The following NBEA variants were observed in gnomAD, a reference collection of about 807,000 sequenced individuals.
NBEA encodes neurobeachin.
In NBEA, 44 loss-of-function variants were observed where a neutral mutation model predicts 343.4. That is an observed-to-expected ratio of 0.13 (90% CI 0.10 to 0.16). The LOEUF (loss-of-function observed/expected upper bound fraction) is 0.16, where lower values mean the gene tolerates loss of function less well. Ranked by LOEUF, NBEA falls within the 10% of genes least tolerant of loss-of-function variation. The pLI is 1.00. For missense variants in NBEA, 2,555 were observed against 3,631.3 expected, an observed-to-expected ratio of 0.70 and a Z score of 7.62; for synonymous variants, 1,175 against 1,238.7, an observed-to-expected ratio of 0.95 and a Z score of 1.08.
At chr13:35,621,911 A>G (rs1007595842) in intron 48 of NBEA, among the ~76,000 whole-genome samples, 2 of 152,254 alleles carry the variant, frequency 1.3e-5, no homozygotes, top group African/African-American at 2.4e-5. Context: ...TTTGGAAACA[A>G]TGAAGTGCTA....
At chr13:35,087,922 T>C (rs2064858902) in intron 10 of NBEA, among the ~76,000 whole-genome samples, 1 of 151,876 alleles carries the variant, frequency 6.6e-6, no homozygotes, top group African/African-American at 2.4e-5. Context: ...TTTCATCAAG[T>C]GGTCAAGTTT....
At chr13:35,347,937 A>G (rs896879423) in intron 36 of NBEA, among the ~76,000 whole-genome samples, 1 of 151,952 alleles carries the variant, frequency 6.6e-6, no homozygotes, top group African/African-American at 2.4e-5. Context: ...CTCTCAGGGG[A>G]GCAACAGACT....
intron 38 of NBEA, among the ~76,000 whole-genome samples, chr13:35,368,607 A>C (rs2041257060): frequency 6.6e-6 from 1 of 151,622 alleles, no homozygotes; most frequent in African/African-American, 2.4e-5. Flanking sequence ...TATTATTGAT[A>C]CTACTATTGT....
chr13:35,102,861 G>GT (rs1006479233), intron 11 of NBEA, among the ~76,000 whole-genome samples: 1 of 151,416 alleles, frequency 6.6e-6, no homozygotes, highest in African/African-American at 2.4e-5. Context: ...TAATTTTAGG[G>GT]TTTTTTTCCT....
chr13:34,942,763 T>C lies in NBEA; in HGVS notation c.-58T>C. ...CGGGGGGCGGGGGCCGAGGCAGGTA[T>C]AACGGTACCGGCGGCGGCAGCGCCG... On this transcript the variant is annotated 5_prime_UTR_variant, in exon 1 of 59. Coordinates refer to ENST00000379939, the MANE Select transcript of NBEA (RefSeq NM_001385012.1). 1 of 1,277,804 alleles carries C rather than the reference T, an allele frequency of 7.8e-7. No individual in the cohort carries two copies. Among genetic ancestry groups the C allele is most frequent in the Non-Finnish European group, 9.9e-7 (1 of 1,006,216 alleles). The allele number at this position is 1,277,804 out of a possible 1,614,324, so 79.2% of individuals were successfully genotyped here.
At chr13:35,406,527 T>C (rs953326652) in intron 38 of NBEA, among the ~76,000 whole-genome samples, 3 of 152,106 alleles carry the variant, frequency 2.0e-5, no homozygotes, top group African/African-American at 7.2e-5. Context: ...ATAGCTCGTC[T>C]CCCACTTACG....
chr13:35,242,872 TTAC>T, intron 34 of NBEA, among the ~76,000 whole-genome samples: 1 of 152,040 alleles, frequency 6.6e-6, no homozygotes, highest in Non-Finnish European at 1.5e-5. Flanking sequence ...AGAGCATTTA[TTAC>T]TACTAGATCT....
At chr13:35,128,420 C>T (rs1386237436) in intron 17 of NBEA, among the ~76,000 whole-genome samples, 1 of 152,042 alleles carries the variant, frequency 6.6e-6, no homozygotes, top group Non-Finnish European at 1.5e-5. Context: ...TCAGAACGAA[C>T]TTTAATTCAC....
At chr13:35,257,321 C>A (rs994491193) in intron 34 of NBEA, among the ~76,000 whole-genome samples, 13 of 152,064 alleles carry the variant, frequency 8.5e-5, no homozygotes, top group Non-Finnish European at 1.9e-4. Flanking sequence ...TCTGAATTTT[C>A]CTTTCTAGTT....
At chr13:35,291,514 A>G (rs73169721) in intron 35 of NBEA, among the ~76,000 whole-genome samples, 6,967 of 151,962 alleles carry the variant, frequency 0.046, 204 homozygotes, top group South Asian at 0.079. Context: ...AGAAAACAAC[A>G]TCCCTGTGAG....
chr13:35,011,108 G>A (rs75158196), intron 1 of NBEA, among the ~76,000 whole-genome samples: 2 of 152,130 alleles, frequency 1.3e-5, no homozygotes, highest in East Asian at 3.9e-4. Context: ...TAGGTGGAAG[G>A]TGGGCTCTGT....
intron 1 of NBEA, among the ~76,000 whole-genome samples, chr13:34,980,727 C>T (rs1332840318): frequency 1.3e-5 from 2 of 152,044 alleles, no homozygotes. Flanking sequence ...TAGTAGATTA[C>T]AATTAAGATG....
intron 35 of NBEA, among the ~76,000 whole-genome samples, chr13:35,305,563 C>G (rs1235533102): frequency 6.6e-6 from 1 of 152,086 alleles, no homozygotes; most frequent in Non-Finnish European, 1.5e-5. Flanking sequence ...TGGCTAGAAG[C>G]TACAAGAGCC....
chr13:35,123,124 T>G (rs2066893251), intron 16 of NBEA, among the ~76,000 whole-genome samples: 1 of 152,154 alleles, frequency 6.6e-6, no homozygotes, highest in Non-Finnish European at 1.5e-5. Flanking sequence ...AAACCTCACC[T>G]CTATATTAAA....
chr13:35,425,300 C>G (rs1203828743), intron 38 of NBEA, among the ~76,000 whole-genome samples: 1 of 152,116 alleles, frequency 6.6e-6, no homozygotes, highest in East Asian at 1.9e-4. Flanking sequence ...ATAAATTTCC[C>G]TCTACACACT....
intron 48 of NBEA, among the ~76,000 whole-genome samples, chr13:35,624,887 T>A (rs1315919805): frequency 6.6e-6 from 1 of 152,136 alleles, no homozygotes; most frequent in African/African-American, 2.4e-5. Context: ...ATGTAGATTA[T>A]GATATTATCT....
chr13:35,325,447 C>CA (rs2038482548), intron 36 of NBEA, among the ~76,000 whole-genome samples: 1 of 151,590 alleles, frequency 6.6e-6, no homozygotes, highest in Non-Finnish European at 1.5e-5. Flanking sequence ...TAAATAATAC[C>CA]AATATACTGA....
Position 35,373,726 on chromosome 13 carries a change from A to AATC in NBEA, c.6179+21405_6179+21406insCAT, listed in dbSNP as rs1487257773. Among the ~76,000 whole-genome samples the AATC allele has an allele frequency of 4.0e-5, 6 of 151,802 alleles. No individual in the cohort carries two copies. The South Asian group carries it at 6.2e-4, about 16-fold the overall frequency. ...TCTCAAAAATAATAATAATAATAAT[A>AATC]ATAACAAAAACCTAAGAAAGAGAAA... On this transcript the variant is annotated intron_variant, in intron 38 of 58. Transcript: ENST00000379939.
chr13:35,253,776 C>A (rs2032254544), intron 34 of NBEA, among the ~76,000 whole-genome samples: 1 of 151,930 alleles, frequency 6.6e-6, no homozygotes, highest in African/African-American at 2.4e-5. Context: ...TATTTACTAT[C>A]TGACCCTTTA....
Sources: allele counts gnomAD v4.1 joint callset (sites outside exome capture counted in the v4.1 genomes callset), GRCh38; gene constraint gnomAD v4.1.1; transcripts MANE v1.5; gene names NCBI Gene and HGNC (gene_info 2026-07-23, HGNC 2026-07-21).